MUC5B: variants seen among roughly 807,000 people sequenced by gnomAD.
MUC5B encodes mucin-5B.
Under a neutral mutation model 376.9 loss-of-function variants are expected in MUC5B, and 116 were observed. The observed-to-expected ratio is 0.31, with a 90% CI of 0.26 to 0.36. The LOEUF is 0.36. Ranked by LOEUF, MUC5B falls within the 10% of genes least tolerant of loss-of-function variation. The pLI is 1.00. For missense variants in MUC5B, 7,165 were observed against 7,769.9 expected (o/e 0.92, Z 2.93); for synonymous variants, 3,517 against 3,390.9 (o/e 1.04, Z -1.29).
Position 1,258,714 on chromosome 11 carries a change from C to G in MUC5B, c.16594-228C>G. ...CCTGCCCCCATGGGGTCTCTGCCCA[C>G]CCAGATTCCTGCCCACATGGGGTCT... On this transcript the variant is annotated intron_variant, in intron 43 of 48. Coordinates refer to ENST00000529681, the MANE Select transcript of MUC5B (RefSeq NM_002458.3). The surrounding 1 kb of genome is among the most constrained non-coding windows in gnomAD (Gnocchi z 5.5). 6.6e-6 allele frequency among the ~76,000 whole-genome samples: 1 copy of G among 152,140 alleles called. No individual in the cohort carries two copies. The highest frequency in any genetic ancestry group is 2.1e-4 in the South Asian group (1 of 4,816).
At chr11:1,259,713 T>G in intron 44 of MUC5B, 43 bp from the exon 45 acceptor site, 1 of 1,602,782 alleles carries the variant, frequency 6.2e-7, no homozygotes. Flanking sequence ...GGGCATGTGC[T>G]GGAGGAGAGG....
chr11:1,247,963 A>C lies in MUC5B; in HGVS notation c.11083A>C (p.Lys3695Gln), dbSNP rs2943522. 10 of 1,609,598 alleles carry C rather than the reference A, an allele frequency of 6.2e-6. 1 individual carries two copies. The South Asian group carries it at 6.6e-5, about 11-fold the overall frequency. Residue 3695 changes from lysine to glutamine, a missense_variant, in exon 31 of 49, where the codon AAG (lysine) becomes CAG (glutamine). Lys to Gln is a moderately conservative substitution (Grantham distance 53, BLOSUM62 1). Coordinates refer to ENST00000529681, the MANE Select transcript of MUC5B (RefSeq NM_002458.3). ...STPGTTWILT[K>Q]LTTTATTTES... ...TCCGGGGACGACCTGGATCCTCACA[A>C]AGCTGACCACAACAGCCACTACGAC...
Position 1,233,825 on chromosome 11 carries a change from G to A in MUC5B, c.2354G>A (p.Gly785Glu). 1.9e-6 allele frequency: 3 copies of A among 1,605,270 alleles called. No homozygotes were observed. The highest frequency in any genetic ancestry group is 2.5e-6 in the Non-Finnish European group (3 of 1,176,486). ...ACGGGTGGGAAGCTAAGCTGCCTGGGAGCCTCTCTGCAGAAAAGCACAGGT... is the reference window on the plus strand; with the variant it reads ...ACGGGTGGGAAGCTAAGCTGCCTGGAAGCCTCTCTGCAGAAAAGCACAGGT... ...SCTGGKLSCL[G>E]ASLQKSTGCA... The change falls in exon 19 of 49, where the codon GGA becomes GAA. Residue 785 changes from glycine (G) to glutamate (E), a missense_variant. By Grantham distance (98) the Gly-to-Glu change is moderately conservative (BLOSUM62 -2). Around this residue, in one of 31 missense-constraint regions of MUC5B, gnomAD observed 530 missense variants for 604.0 expected, o/e 0.88. Transcript: ENST00000529681.
rs1274598534 is a variant in MUC5B at position 1,242,638 on chromosome 11, A to G, written c.5758A>G (p.Thr1920Ala). The change falls in exon 31 of 49, where the codon ACT (threonine) becomes GCT (alanine). Residue 1920 changes from threonine to alanine, a missense_variant. Transcript: ENST00000529681. ...PTTTATTTAS[T>A]GSTATPTSTL... is the part of the protein sequence containing the mutation. ...CACAACAGCCACTACGACTGCGTCC[A>G]CTGGATCCACGGCCACCCCGACCTC... is the stretch of plus-strand genomic sequence containing the variant. 3 of 1,613,538 alleles carry G rather than the reference A, an allele frequency of 1.9e-6. No homozygotes were observed. Among genetic ancestry groups the G allele is most frequent in the East Asian group, 2.2e-5 (1 of 44,890 alleles).
chr11:1,250,765 A>G lies in MUC5B; in HGVS notation c.13885A>G (p.Thr4629Ala), dbSNP rs774092686. The G allele has an allele frequency of 3.0e-5, 48 of 1,611,938 alleles. 1 individual carries two copies. The highest frequency in any genetic ancestry group is 2.3e-4 in the South Asian group (21 of 91,018). ...CACAACCACCACACCCACAACCACC[A>G]CACCCACAACCAGTGGCTCCACGGT... ...ISTTTTPTTT[T>A]PTTSGSTVTP... is the part of the protein sequence containing the mutation. The change falls in exon 31 of 49, where the codon ACA (threonine) becomes GCA (alanine). Residue 4629 changes from threonine to alanine, a missense_variant. By Grantham distance (58) the Thr-to-Ala change is moderately conservative. Transcript: ENST00000529681.
At chr11:1,237,186 G>T in intron 25 of MUC5B, 22 bp downstream of exon 25, 4 of 1,400,458 alleles carry the variant, frequency 2.9e-6, no homozygotes, top group Non-Finnish European at 3.7e-6. Flanking sequence ...GTCTTGGCAG[G>T]CAGGGTCTGG....
chr11:1,236,664 C>T (rs772718710), intron 24 of MUC5B, 102 bp downstream of exon 24: 21 of 1,293,706 alleles, frequency 1.6e-5, no homozygotes, highest in Middle Eastern at 2.6e-4. Context: ...CCCGTGGGTG[C>T]GTGAGCCTGG....
chr11:1,226,163 C>T (rs749459434), intron 2 of MUC5B, 42 bp from the exon 3 acceptor site: 1 of 1,524,484 alleles, frequency 6.6e-7, no homozygotes, highest in South Asian at 1.2e-5. Context: ...TCTGCTTCCC[C>T]TTCCTGGCCA....
Position 1,228,731 on chromosome 11 carries a change from C to G in MUC5B, c.942C>G (p.Gly314=), listed in dbSNP as rs1377739266. 16 of 1,522,292 alleles carry G rather than the reference C, an allele frequency of 1.1e-5. No individual in the cohort carries two copies. The highest frequency in any genetic ancestry group is 1.4e-5 in the African/African-American group (1 of 72,782). 94.3% of individuals were successfully genotyped at this position (1,522,292 alleles called of 1,614,324 possible). ...CACGCCAGTGCGCCCACGCGGGGGGCCAGCCGCGGAACTGGAGGTGCCCTG... is the reference window on the plus strand; with the variant it reads ...CACGCCAGTGCGCCCACGCGGGGGGGCAGCCGCGGAACTGGAGGTGCCCTG... The part of the protein sequence containing the change: ...EYSRQCAHAG[G]QPRNWRCPEL... Residue 314 remains glycine (G), a synonymous_variant, in exon 8 of 49, where the codon GGC becomes GGG. Coordinates refer to ENST00000529681, the MANE Select transcript of MUC5B (RefSeq NM_002458.3).
rs759746322 is a variant in MUC5B at position 1,239,879 on chromosome 11, G to A, written c.3664G>A (p.Asp1222Asn). The A allele has an allele frequency of 9.3e-6, 15 of 1,613,038 alleles. No homozygotes were observed. Among genetic ancestry groups the A allele is most frequent in the African/African-American group, 4.0e-5 (3 of 74,906 alleles). The change falls in exon 28 of 49, where the codon GAC becomes AAC. Residue 1222 changes from aspartate (D) to asparagine (N), a missense_variant. Coordinates refer to ENST00000529681, the MANE Select transcript of MUC5B (RefSeq NM_002458.3). ...MKCVAQCGCYDKDGNYYDVGA... is the reference protein window; with the variant it reads ...MKCVAQCGCYNKDGNYYDVGA... ...GTGCGTGGCCCAGTGTGGCTGCTACGACAAGGACGGAAACTACTATGACGT... is the reference window on the plus strand; with the variant it reads ...GTGCGTGGCCCAGTGTGGCTGCTACAACAAGGACGGAAACTACTATGACGT...
Position 1,258,190 on chromosome 11 carries a change from C to T in MUC5B, c.16542C>T (p.Pro5514=). The T allele has an allele frequency of 6.3e-7, 1 of 1,596,428 alleles. No individual in the cohort carries two copies. The highest frequency in any genetic ancestry group is 8.5e-7 in the Non-Finnish European group (1 of 1,173,096). ...CCCAGGAGGAGGGCGACTGCTGTCC[C>T]ACCTTCCGCTGCAGTGAGCGGGGCT... The part of the protein sequence containing the change: ...ICTQEEGDCC[P]TFRCRPQLCS... The change falls in exon 42 of 49, where the codon CCC becomes CCT. Residue 5514 remains proline, a synonymous_variant. Transcript: ENST00000529681. This position sits in a 1 kb window ranked among gnomAD's most constrained non-coding sequence, Gnocchi z 5.5.
rs759954697 is a variant in MUC5B at position 1,242,628 on chromosome 11, G to A, written c.5748G>A (p.Thr1916=). The change falls in exon 31 of 49, where the codon ACG becomes ACA. Residue 1916 remains threonine (T), a synonymous_variant. Transcript: ENST00000529681. ...ILTKPTTTAT[T]TASTGSTATP... ...CAAAGCCGACCACAACAGCCACTAC[G>A]ACTGCGTCCACTGGATCCACGGCCA... 3.7e-5 allele frequency: 59 copies of A among 1,613,274 alleles called. No homozygotes were observed. Among genetic ancestry groups the A allele is most frequent in the South Asian group, 6.6e-5 (6 of 91,040 alleles).
intron 6 of MUC5B, 124 bp from the exon 7 acceptor site, chr11:1,227,551 C>T: frequency 1.5e-6 from 1 of 684,044 alleles, no homozygotes; most frequent in East Asian, 2.7e-5. Context: ...GAGGAGTGCC[C>T]CTCGGGGGTG....
In MUC5B at chr11:1,233,003, C is replaced by T. The variant is rs1316997133; in HGVS notation, c.2066-10C>T. 21 of 1,569,310 alleles carry T rather than the reference C, an allele frequency of 1.3e-5. No individual in the cohort carries two copies. The highest frequency in any genetic ancestry group is 2.3e-5 in the South Asian group (2 of 87,170). On this transcript the variant is annotated splice_polypyrimidine_tract_variant and intron_variant, in intron 17 of 48. Transcript: ENST00000529681. ...CGCTGACCTGTCCCCCCTGGCCCCA[C>T]CGACCACAGCCAAGTACATGCAGAA...
chr11:1,223,422 G>A, intron 1 of MUC5B: 1 of 660,272 alleles, frequency 1.5e-6, no homozygotes, highest in Non-Finnish European at 2.8e-6. Flanking sequence ...CCAGGAGAAG[G>A]TGGGCCCCTG....
At chr11:1,230,706 C>G (rs891623982) in intron 12 of MUC5B, 106 bp downstream of exon 12, 2 of 1,078,624 alleles carry the variant, frequency 1.9e-6, no homozygotes, top group African/African-American at 1.6e-5. Flanking sequence ...CCAGGTCCCC[C>G]CTCCAGCCCC....
chr11:1,255,233 C>T lies in MUC5B; in HGVS notation c.15857C>T (p.Pro5286Leu), dbSNP rs958979946. 5.1e-5 allele frequency: 79 copies of T among 1,534,498 alleles called. No individual in the cohort carries two copies. The highest frequency in any genetic ancestry group is 1.7e-4 in the Middle Eastern group (1 of 5,938). The change falls in exon 36 of 49, where the codon CCA (proline) becomes CTA (leucine). Residue 5286 changes from proline (P) to leucine (L), a missense_variant. Physicochemically the swap from Pro to Leu is moderately conservative, Grantham distance 98. Around this residue, in one of 31 missense-constraint regions of MUC5B, gnomAD observed 842 missense variants for 1,016.9 expected, o/e 0.83. Transcript: ENST00000529681. Reference protein sequence around the residue: ...VSSTPTPTPCPPQPLCDLMLS... With the variant: ...VSSTPTPTPCLPQPLCDLMLS... ...AGCACACCCACCCCCACCCCATGCC[C>T]ACCACAGCCGCTCTGTGATCTGATG... is the stretch of plus-strand genomic sequence containing the variant.
At chr11:1,228,828 T>TG (rs1358035997) in intron 8 of MUC5B, 63 bp downstream of exon 8, 1 of 211,368 alleles carries the variant, frequency 4.7e-6, no homozygotes, top group African/African-American at 7.4e-5. Flanking sequence ...GGGAGCGCCT[T>TG]GGGGGCCACT....
chr11:1,232,282 C>T, intron 15 of MUC5B, 122 bp downstream of exon 15: 1 of 1,365,358 alleles, frequency 7.3e-7, no homozygotes, highest in Non-Finnish European at 9.9e-7. Context: ...AGGTGGGAGG[C>T]ATCAGGAGGA....
Sources: gnomAD v4.1 joint callset for allele counts (sites outside exome capture counted in the v4.1 genomes callset) on GRCh38, gnomAD v4.1.1 for gene constraint, gnomAD v4.1.1 regional missense constraint, Gnocchi (gnomAD v3.1) non-coding constraint, MANE v1.5 for transcripts, NCBI Gene and HGNC (gene_info 2026-07-23, HGNC 2026-07-21) for gene names.